Variants in CHCHD3 observed in about 807,000 individuals in gnomAD.
CHCHD3 encodes coiled-coil-helix-coiled-coil-helix domain containing 3, also known as MICOS complex subunit MIC19.
CHCHD3 carries 20 observed loss-of-function variants against 38.2 expected under a neutral mutation model. That is an observed-to-expected ratio of 0.52 (90% CI 0.37 to 0.76). The LOEUF is 0.76. CHCHD3 is among the 30% of genes least tolerant of loss of function. CHCHD3 has a pLI of 0.00. For missense variants in CHCHD3, 245 were observed against 279.2 expected (o/e 0.88, Z 0.87); for synonymous variants, 82 against 100.0 (o/e 0.82, Z 1.07).
chr7:132,978,051 G>A (rs957401493), intron 3 of CHCHD3, among the ~76,000 whole-genome samples: 1 of 152,110 alleles, frequency 6.6e-6, no homozygotes, highest in East Asian at 1.9e-4. Flanking sequence ...GGTGAGTCCT[G>A]TTATTCTCAT....
At chr7:132,877,234 C>T (rs566865562) in intron 5 of CHCHD3, among the ~76,000 whole-genome samples, 3 of 152,256 alleles carry the variant, frequency 2.0e-5, no homozygotes, top group Admixed American at 1.3e-4. Flanking sequence ...TTACCTAAAC[C>T]ACATTTCCCA....
intron 1 of CHCHD3, among the ~76,000 whole-genome samples, chr7:133,075,729 T>C (rs1381739094): frequency 1.3e-5 from 2 of 152,174 alleles, no homozygotes; most frequent in Non-Finnish European, 2.9e-5. Flanking sequence ...GGGTCGATAG[T>C]ACAACACAAG....
chr7:132,970,113 A>G (rs1450847182), intron 4 of CHCHD3, among the ~76,000 whole-genome samples: 2 of 152,160 alleles, frequency 1.3e-5, no homozygotes, highest in African/African-American at 4.8e-5. Context: ...ACACCCACTT[A>G]AAGAACAGAC....
intron 5 of CHCHD3, among the ~76,000 whole-genome samples, chr7:132,852,749 A>G (rs1808248392): frequency 6.6e-6 from 1 of 152,178 alleles, no homozygotes; most frequent in African/African-American, 2.4e-5. Context: ...AGGAAGGAGA[A>G]GTGTTGGTGG....
chr7:132,969,456 C>G (rs1248672583), intron 4 of CHCHD3, among the ~76,000 whole-genome samples: 1 of 152,118 alleles, frequency 6.6e-6, no homozygotes, highest in Non-Finnish European at 1.5e-5. Flanking sequence ...GTATCTGAGG[C>G]CAGGACCCTC....
chr7:133,035,958 A>C lies in CHCHD3; in HGVS notation c.170-11331T>G. ...AAGAAAGGCTGGATCCAGTCTTAAAAGTGTTATCAGGTAGGGGTCCTTAGG... is the reference window on the plus strand; with the variant it reads ...AAGAAAGGCTGGATCCAGTCTTAAACGTGTTATCAGGTAGGGGTCCTTAGG... On this transcript the variant is annotated intron_variant, in intron 2 of 7. Coordinates refer to ENST00000262570, the MANE Select transcript of CHCHD3 (RefSeq NM_017812.4). The surrounding 1 kb of genome is among the most constrained non-coding windows in gnomAD (Gnocchi z 4.7). The C allele has an allele frequency of 7.0e-7, 1 of 1,422,136 alleles. No homozygotes were observed. The highest frequency in any genetic ancestry group is 9.8e-7 in the Non-Finnish European group (1 of 1,020,528). The allele number at this position is 1,422,136 out of a possible 1,614,324, so 88.1% of individuals were successfully genotyped here.
intron 2 of CHCHD3, among the ~76,000 whole-genome samples, chr7:133,040,041 G>T (rs890693513): frequency 6.6e-6 from 1 of 152,124 alleles, no homozygotes; most frequent in Non-Finnish European, 1.5e-5. Context: ...GTCTCCATTA[G>T]AACAGTGGAA....
At chr7:132,999,856 T>C (rs1275811024) in intron 3 of CHCHD3, among the ~76,000 whole-genome samples, 2 of 152,278 alleles carry the variant, frequency 1.3e-5, no homozygotes, top group African/African-American at 4.8e-5. Context: ...ATTATTCAAT[T>C]TGATATCACA....
At chr7:132,789,197 T>C (rs1308213521) in intron 7 of CHCHD3, among the ~76,000 whole-genome samples, 1 of 152,190 alleles carries the variant, frequency 6.6e-6, no homozygotes, top group African/African-American at 2.4e-5. Context: ...TAAATTAACA[T>C]AGGAAATTCC....
chr7:132,822,008 C>T (rs761999714), intron 6 of CHCHD3, among the ~76,000 whole-genome samples: 125 of 152,234 alleles, frequency 8.2e-4, no homozygotes, highest in Non-Finnish European at 1.5e-3. Context: ...ATGATCCACC[C>T]GCCTCGGCCT....
Position 132,788,784 on chromosome 7 carries a change from G to T in CHCHD3, c.661-3124C>A, listed in dbSNP as rs1328733646. Among the ~76,000 whole-genome samples the T allele has an allele frequency of 5.3e-5, 8 of 152,190 alleles. No homozygotes were observed. Among genetic ancestry groups the T allele is most frequent in the Non-Finnish European group, 7.3e-5 (5 of 68,034 alleles). Reference sequence around the variant, plus strand: ...TCCTCCAAGATAGCACAGTGGTTCAGCTGATTTGTGGTGACTCCTTGAAGA... The same window carrying T: ...TCCTCCAAGATAGCACAGTGGTTCATCTGATTTGTGGTGACTCCTTGAAGA... On this transcript the variant is annotated intron_variant, in intron 7 of 7. Coordinates refer to ENST00000262570, the MANE Select transcript of CHCHD3 (RefSeq NM_017812.4). The surrounding 1 kb of genome is among the most constrained non-coding windows in gnomAD (Gnocchi z 4.0).
chr7:132,823,235 T>C (rs1296092941), intron 6 of CHCHD3, among the ~76,000 whole-genome samples: 3 of 152,084 alleles, frequency 2.0e-5, no homozygotes, highest in Non-Finnish European at 4.4e-5. Flanking sequence ...GAGAAAAAAA[T>C]CTAATACATT....
rs1814178724 is a variant in CHCHD3 at position 133,051,900 on chromosome 7, T to C, written c.169+18242A>G. 2.6e-5 allele frequency: 4 copies of C among 152,194 alleles called. 1 individual carries two copies. The highest frequency in any genetic ancestry group is 1.3e-4 in the Admixed American group (2 of 15,280). The allele number at this position is 152,194 out of a possible 1,614,324, so 9.4% of individuals were successfully genotyped here. On this transcript the variant is annotated intron_variant, in intron 2 of 7. Coordinates refer to ENST00000262570, the MANE Select transcript of CHCHD3 (RefSeq NM_017812.4). Reference sequence around the variant, plus strand: ...GTTCTTATCTAAAAAGCTCAGAATCTATCAAGGGAATCTTAGAGATAACAG... The same window carrying C: ...GTTCTTATCTAAAAAGCTCAGAATCCATCAAGGGAATCTTAGAGATAACAG...
At chr7:133,039,331 T>TA (rs1258474202) in intron 2 of CHCHD3, among the ~76,000 whole-genome samples, 1 of 152,248 alleles carries the variant, frequency 6.6e-6, no homozygotes, top group East Asian at 1.9e-4. Flanking sequence ...TTAATCATCT[T>TA]ATTTATTTGG....
chr7:132,826,114 G>A (rs148057451), intron 6 of CHCHD3, among the ~76,000 whole-genome samples: 3 of 152,214 alleles, frequency 2.0e-5, no homozygotes, highest in South Asian at 2.1e-4. Context: ...GTGGCTAGCC[G>A]GTGGACTTCA....
In CHCHD3 at chr7:132,860,211, G is replaced by A. The variant is rs946246748; in HGVS notation, c.454-21742C>T. 4.6e-5 allele frequency among the ~76,000 whole-genome samples: 7 copies of A among 151,902 alleles called. No homozygotes were observed. In the East Asian group the frequency reaches 1.2e-3, roughly 25 times the overall value. On this transcript the variant is annotated intron_variant, in intron 5 of 7. Coordinates refer to ENST00000262570, the MANE Select transcript of CHCHD3 (RefSeq NM_017812.4). ...TCAATTGAGCCCAGGAGGTTGTGGC[G>A]AGCCAAAATTGTGCCACTGCACTCC... is the stretch of plus-strand genomic sequence containing the variant.
chr7:133,076,102 A>G (rs1022815432), intron 1 of CHCHD3, among the ~76,000 whole-genome samples: 3 of 151,398 alleles, frequency 2.0e-5, no homozygotes, highest in Non-Finnish European at 4.4e-5. Context: ...TTCAGGAAAC[A>G]TATCTTTTCC....
intron 4 of CHCHD3, among the ~76,000 whole-genome samples, chr7:132,964,530 C>A (rs566598799): frequency 3.9e-5 from 6 of 152,096 alleles, no homozygotes; most frequent in African/African-American, 1.4e-4. Context: ...TGCAGTGAGC[C>A]AAGATCACGC....
chr7:132,912,766 G>C (rs1809983235), intron 4 of CHCHD3, among the ~76,000 whole-genome samples: 1 of 152,128 alleles, frequency 6.6e-6, no homozygotes, highest in Admixed American at 6.5e-5. Context: ...TGTTAGCCAG[G>C]CTGGTCTCAA....
Sources: allele counts gnomAD v4.1 joint callset (sites outside exome capture counted in the v4.1 genomes callset), GRCh38; gene constraint gnomAD v4.1.1; non-coding constraint Gnocchi (gnomAD v3.1); transcripts MANE v1.5; gene names NCBI Gene and HGNC (gene_info 2026-07-23, HGNC 2026-07-21).